The following KLF8 variants were observed in gnomAD, a reference collection of about 807,000 sequenced individuals.
KLF8 encodes the protein Krueppel-like factor 8.
KLF8 carries 10 observed loss-of-function variants against 18.2 expected under a neutral mutation model. The observed-to-expected ratio is 0.55, with a 90% CI of 0.34 to 0.93. The LOEUF is 0.93. Among genes scored for constraint, KLF8 ranks in the 40% least tolerant of loss-of-function variants. The pLI is 0.02. For synonymous variants in KLF8, 109 were observed against 97.3 expected, an observed-to-expected ratio of 1.12 and a Z score of -0.71; for missense variants, 264 against 277.9, an observed-to-expected ratio of 0.95 and a Z score of 0.36.
At chrX:56,110,723 T>G in the KLF8 span, among the ~76,000 whole-genome samples, 1 of 111,788 alleles carries the variant, frequency 8.9e-6, no homozygotes, top group South Asian at 3.7e-4. Flanking sequence ...GTCCAAAATT[T>G]GTTTCTGTAT....
chrX:56,042,985 C>CA, the KLF8 span, among the ~76,000 whole-genome samples: 1 of 112,037 alleles, frequency 8.9e-6, no homozygotes, highest in African/African-American at 3.2e-5. Flanking sequence ...GTGCTTCCTT[C>CA]AGGACCTCTT....
the KLF8 span, chrX:55,961,195 C>T: frequency 7.5e-6 from 2 of 265,446 alleles, no homozygotes; most frequent in Non-Finnish European, 6.9e-6. Flanking sequence ...CCACTGCCCT[C>T]CTACTGTCCA....
At chrX:55,911,827 T>C in the KLF8 span, among the ~76,000 whole-genome samples, 60 of 112,088 alleles carry the variant, frequency 5.4e-4, no homozygotes, top group East Asian at 5.6e-4. Flanking sequence ...AGAGATAAGG[T>C]AGGTGTGCAT....
chrX:55,946,509 G>A, the KLF8 span, among the ~76,000 whole-genome samples: 9 of 111,687 alleles, frequency 8.1e-5, no homozygotes, highest in Admixed American at 1.9e-4. Context: ...CGACTTAAAC[G>A]TTAGACCTCA....
At chrX:56,020,037 A>C in the KLF8 span, among the ~76,000 whole-genome samples, 3 of 112,225 alleles carry the variant, frequency 2.7e-5, no homozygotes, top group Non-Finnish European at 5.6e-5. Context: ...ACCACAATCA[A>C]GTATTGATGT....
the KLF8 span, among the ~76,000 whole-genome samples, chrX:56,071,956 C>T: frequency 8.9e-6 from 1 of 111,927 alleles, no homozygotes; most frequent in Non-Finnish European, 1.9e-5. Flanking sequence ...ATGAGACAGC[C>T]TGTTAATAAC....
chrX:56,016,126 G>A, the KLF8 span, among the ~76,000 whole-genome samples: 1 of 111,668 alleles, frequency 9.0e-6, no homozygotes, highest in East Asian at 2.8e-4. Flanking sequence ...TGGAACTTGG[G>A]TTCACATCTT....
Position 56,288,033 on chromosome X carries a change from C to T in KLF8, c.*3539C>T, listed in dbSNP as rs187149287. On this transcript the variant is annotated 3_prime_UTR_variant, in exon 6 of 6. Coordinates refer to ENST00000468660, the MANE Select transcript of KLF8 (RefSeq NM_007250.5). ...CGGGCGGATCACGAAGTCAGGAGTT[C>T]GAGACCAACCTGGACAACATGGTGA... is the stretch of plus-strand genomic sequence containing the variant. 1.8e-5 allele frequency: 2 copies of T among 111,072 alleles called. No homozygotes were observed. Among genetic ancestry groups the T allele is most frequent in the East Asian group, 2.8e-4 (1 of 3,533 alleles). The allele number at this position is 111,072 out of a possible 1,213,427, so 9.2% of individuals were successfully genotyped here.
chrX:56,001,692 C>G, the KLF8 span, among the ~76,000 whole-genome samples: 1 of 111,886 alleles, frequency 8.9e-6, no homozygotes, highest in African/African-American at 3.3e-5. Flanking sequence ...CATAGTCATG[C>G]CTCAGCTCTT....
chrX:56,171,987 C>A, the KLF8 span, among the ~76,000 whole-genome samples: 2 of 111,798 alleles, frequency 1.8e-5, no homozygotes, highest in Admixed American at 1.9e-4. Context: ...ACAGTCCCAC[C>A]AACAGTGTAA....
chrX:55,997,043 G>A, the KLF8 span, among the ~76,000 whole-genome samples: 1 of 111,843 alleles, frequency 8.9e-6, no homozygotes, highest in Admixed American at 9.4e-5. Context: ...TGCTTGCAGG[G>A]ACCCATCTGT....
At chrX:56,179,179 T>C in the KLF8 span, among the ~76,000 whole-genome samples, 1 of 112,250 alleles carries the variant, frequency 8.9e-6, no homozygotes, top group South Asian at 3.7e-4. Flanking sequence ...AGCAGTTGTA[T>C]GTAGTTCTCT....
At chrX:56,270,380 AC>A in intron 5 of KLF8, 59 bp downstream of exon 5, 2 of 809,305 alleles carry the variant, frequency 2.5e-6, no homozygotes, top group African/African-American at 7.1e-5. Flanking sequence ...ACACACACAC[AC>A]GAGAGAGAGA....
At chrX:56,061,713 T>A in the KLF8 span, among the ~76,000 whole-genome samples, 1 of 111,072 alleles carries the variant, frequency 9.0e-6, no homozygotes, top group Non-Finnish European at 1.9e-5. Context: ...AAGTCCTGAA[T>A]ATTCTTACTT....
the KLF8 span, among the ~76,000 whole-genome samples, chrX:56,183,898 T>C: frequency 9.0e-6 from 1 of 111,514 alleles, no homozygotes; most frequent in Non-Finnish European, 1.9e-5. Flanking sequence ...GCAGCCAAGA[T>C]GGCCGAATAG....
At chrX:55,943,206 C>G in the KLF8 span, among the ~76,000 whole-genome samples, 1 of 110,708 alleles carries the variant, frequency 9.0e-6, no homozygotes, top group Admixed American at 9.7e-5. Context: ...CTAAAATTAA[C>G]AGTTTAGTGC....
At chrX:56,250,979 G>A (rs1045241200) in intron 2 of KLF8, among the ~76,000 whole-genome samples, 2 of 112,235 alleles carry the variant, frequency 1.8e-5, no homozygotes, top group African/African-American at 3.2e-5. Flanking sequence ...AGAGTAATGT[G>A]CCCTATTTAA....
At chrX:56,243,038 T>C (rs775702058) in intron 1 of KLF8, 251 of 508,443 alleles carry the variant, frequency 4.9e-4, no homozygotes, top group Non-Finnish European at 7.0e-4. Context: ...AGGGTGTTGA[T>C]TTGCCACATC....
At chrX:56,141,635 G>T in the KLF8 span, among the ~76,000 whole-genome samples, 1 of 110,674 alleles carries the variant, frequency 9.0e-6, no homozygotes, top group African/African-American at 3.3e-5. Context: ...TGAATTTATG[G>T]TATCTTTTTA....
Sources: allele counts gnomAD v4.1 joint callset (sites outside exome capture counted in the v4.1 genomes callset), GRCh38; gene constraint gnomAD v4.1.1; transcripts MANE v1.5; gene names NCBI Gene and HGNC (gene_info 2026-07-23, HGNC 2026-07-21).